The following MX2 variants were observed in gnomAD, a reference collection of about 807,000 sequenced individuals.
MX2 encodes the protein interferon-induced GTP-binding protein Mx2.
A neutral mutation model predicts 74.0 loss-of-function variants in MX2; 51 were observed. That is an observed-to-expected ratio of 0.69 (90% CI 0.55 to 0.87). MX2 has a LOEUF of 0.87. Ranked by LOEUF, MX2 falls within the 40% of genes least tolerant of loss-of-function variation. The pLI is 0.00. For synonymous variants in MX2, 369 were observed against 339.3 expected (o/e 1.09, Z -0.96); for missense variants, 832 against 908.7 (o/e 0.92, Z 1.09).
Position 41,380,204 on chromosome 21 carries a change from C to G in MX2, c.577+53C>G. The G allele has an allele frequency of 1.2e-6, 2 of 1,608,782 alleles. No individual in the cohort carries two copies. The highest frequency in any genetic ancestry group is 1.7e-6 in the Non-Finnish European group (2 of 1,176,788). On this transcript the variant is annotated intron_variant, in intron 4 of 13. Transcript: ENST00000330714. The surrounding 1 kb of genome is among the most constrained non-coding windows in gnomAD (Gnocchi z 4.3). ...ATCTGGCAGCCGCTCCTCTCACTTCCTCGGTTCCTTCTCCTCTTCCTCAAG... is the reference window on the plus strand; with the variant it reads ...ATCTGGCAGCCGCTCCTCTCACTTCGTCGGTTCCTTCTCCTCTTCCTCAAG...
chr21:41,381,640 G>A lies in MX2; in HGVS notation c.578-770G>A, dbSNP rs368146781. ...GCAGAGCTTTCAGTGAGCCGAGATC[G>A]TGCCACTGCACTCCAGCCTGGGCGA... is the stretch of plus-strand genomic sequence containing the variant. On this transcript the variant is annotated intron_variant, in intron 4 of 13. Transcript: ENST00000330714. Among the ~76,000 whole-genome samples, 1,028 of 146,426 alleles carry A rather than the reference G, an allele frequency of 7.0e-3. 12 individuals are homozygous for A. The highest frequency in any genetic ancestry group is 0.023 in the African/African-American group (905 of 39,098).
chr21:41,396,479 T>G (rs1235827843), intron 7 of MX2, among the ~76,000 whole-genome samples: 1 of 18,882 alleles, frequency 5.3e-5, no homozygotes, highest in Non-Finnish European at 8.3e-5. Flanking sequence ...GGAGAGCTAA[T>G]GGGAAAACTG....
At chr21:41,383,594 C>G (rs1021099609) in intron 5 of MX2, among the ~76,000 whole-genome samples, 3 of 152,134 alleles carry the variant, frequency 2.0e-5, no homozygotes, top group Non-Finnish European at 2.9e-5. Context: ...AGAACTGAGG[C>G]CACTTTCCTG....
At position 41,390,478 on chromosome 21, in the gene MX2, C is replaced by T. The variant is rs563787311; in HGVS notation, c.733-87C>T. The T allele has an allele frequency of 1.2e-4, 192 of 1,560,996 alleles. No homozygotes were observed. In the African/African-American group the frequency reaches 2.1e-3, roughly 17 times the overall value. ...ACACTGTGGGACAATGTTGCCTTTG[C>T]GCCATCATGCCTGCCTGCCTGGCCG... On this transcript the variant is annotated intron_variant, in intron 5 of 13. Coordinates refer to ENST00000330714, the MANE Select transcript of MX2 (RefSeq NM_002463.2).
At position 41,382,569 on chromosome 21, in the gene MX2, G is replaced by GCCC. The variant is rs1176881408; in HGVS notation, c.732+6_732+8dup. ...CCCCGAGACATCGGACTGCAGGTGA[G>GCCC]CCCTTCTGGAATTTGGGATTGGGCT... On this transcript the variant is annotated splice_donor_region_variant and intron_variant, in intron 5 of 13. Coordinates refer to ENST00000330714, the MANE Select transcript of MX2 (RefSeq NM_002463.2). 5 of 1,614,106 alleles carry GCCC rather than the reference G, an allele frequency of 3.1e-6. No individual in the cohort carries two copies. The highest frequency in any genetic ancestry group is 4.2e-6 in the Non-Finnish European group (5 of 1,180,020).
chr21:41,392,019 C>T (rs1005122281), intron 6 of MX2, among the ~76,000 whole-genome samples: 1 of 152,136 alleles, frequency 6.6e-6, no homozygotes, highest in Admixed American at 6.5e-5. Context: ...TGTTATTCCC[C>T]TCTACGTGTT....
rs1601407498 is a variant in MX2, at chr21:41,382,489, A to G, written c.657A>G (p.Pro219=). The change falls in exon 5 of 14, where the codon CCA becomes CCG. Residue 219 remains proline (P), a synonymous_variant. Coordinates refer to ENST00000330714, the MANE Select transcript of MX2 (RefSeq NM_002463.2). ...ISLEITSPEV[P]DLTIIDLPGI... Reference sequence around the variant, plus strand: ...TGGAGATCACCTCCCCTGAGGTTCCAGACCTGACCATCATTGACCTTCCCG... The same window carrying G: ...TGGAGATCACCTCCCCTGAGGTTCCGGACCTGACCATCATTGACCTTCCCG... 1 of 1,614,224 alleles carries G rather than the reference A, an allele frequency of 6.2e-7. No individual in the cohort carries two copies. The highest frequency in any genetic ancestry group is 2.2e-5 in the East Asian group (1 of 44,882).
chr21:41,395,693 G>A lies in MX2; in HGVS notation c.978G>A (p.Lys326=). ...YPLKKGYMIV[K]CRGQQEITNR... ...TCAAGAAGGGCTACATGATTGTGAAGTGCCGGGGCCAGCAGGAGATCACAA... is the reference window on the plus strand; with the variant it reads ...TCAAGAAGGGCTACATGATTGTGAAATGCCGGGGCCAGCAGGAGATCACAA... The change falls in exon 7 of 14, where the codon AAG becomes AAA. Residue 326 remains lysine (K), a synonymous_variant. Coordinates refer to ENST00000330714, the MANE Select transcript of MX2 (RefSeq NM_002463.2). The A allele has an allele frequency of 1.2e-6, 2 of 1,614,222 alleles. No individual in the cohort carries two copies. The highest frequency in any genetic ancestry group is 2.7e-5 in the African/African-American group (2 of 75,036).
chr21:41,371,653 G>A (rs935022421), intron 1 of MX2, among the ~76,000 whole-genome samples: 3 of 152,168 alleles, frequency 2.0e-5, no homozygotes, highest in Admixed American at 6.5e-5. Context: ...ATGGGGTGCT[G>A]GACTAAGTGA....
chr21:41,379,776 A>G (rs746257589), intron 3 of MX2, among the ~76,000 whole-genome samples: 3 of 152,214 alleles, frequency 2.0e-5, no homozygotes, highest in African/African-American at 4.8e-5. Context: ...GCTCATGTCC[A>G]TCGGAGCTCA....
Position 41,366,039 on chromosome 21 carries a change from T to C in MX2, c.-72+3984T>C, listed in dbSNP as rs1341685952. ...GCAGAGATTCTCAACCTTTCTCCAT[T>C]TGGGCTTCCCTGAGTGGTTCCGTAG... On this transcript the variant is annotated intron_variant, in intron 1 of 13. Transcript: ENST00000330714. The surrounding 1 kb of genome is among the most constrained non-coding windows in gnomAD (Gnocchi z 4.5). 6.6e-6 allele frequency: 1 copy of C among 152,294 alleles called. No individual in the cohort carries two copies. The highest frequency in any genetic ancestry group is 2.4e-5 in the African/African-American group (1 of 41,452). The allele number at this position is 152,294 out of a possible 1,614,324, so 9.4% of individuals were successfully genotyped here. A position where few individuals can be genotyped will look rare whatever the true frequency, so the allele number is the denominator to read the frequency against.
chr21:41,377,563 C>G (rs965597639), intron 2 of MX2, among the ~76,000 whole-genome samples: 3 of 152,190 alleles, frequency 2.0e-5, no homozygotes, highest in African/African-American at 2.4e-5. Flanking sequence ...AGGAGGCACA[C>G]CCTGCACACC....
At chr21:41,370,611 G>A (rs948673572) in intron 1 of MX2, 4 of 152,254 alleles carry the variant, frequency 2.6e-5, no homozygotes, top group African/African-American at 9.6e-5. Context: ...CATGAGCGGA[G>A]AAGAGTTGGA....
intron 1 of MX2, among the ~76,000 whole-genome samples, chr21:41,373,186 G>A (rs2089347264): frequency 2.0e-5 from 3 of 151,650 alleles, no homozygotes. Context: ...CTGGCACACA[G>A]CAGGCACTCA....
rs563606218 is a variant in MX2, at chr21:41,406,727, C to T, written c.1651-17C>T. 13 of 1,602,318 alleles carry T rather than the reference C, an allele frequency of 8.1e-6. No homozygotes were observed. In the East Asian group the frequency reaches 2.9e-4, roughly 36 times the overall value. ...GAAGAAAAAGAAGTAATGTGTTTGT[C>T]TTTTTTATCTAACCAGAGCACGATT... On this transcript the variant is annotated splice_polypyrimidine_tract_variant and intron_variant, in intron 12 of 13. Transcript: ENST00000330714.
intron 11 of MX2, 172 bp from the exon 12 acceptor site, chr21:41,403,095 T>G: frequency 1.7e-6 from 1 of 583,390 alleles, no homozygotes; most frequent in Non-Finnish European, 3.1e-6. Context: ...TGTGTGGCCC[T>G]GGAATGATGT....
At chr21:41,365,851 G>C (rs150016848) in intron 1 of MX2, 7 of 152,410 alleles carry the variant, frequency 4.6e-5, no homozygotes, top group Non-Finnish European at 8.8e-5. Context: ...CAGCAGTGCA[G>C]AAGTGTTCCC....
At chr21:41,386,311 C>A (rs750380836) in intron 5 of MX2, among the ~76,000 whole-genome samples, 5 of 150,560 alleles carry the variant, frequency 3.3e-5, no homozygotes, top group South Asian at 4.2e-4. Flanking sequence ...TGCACACTCT[C>A]TCCACATCTG....
chr21:41,376,309 G>A (rs1166335786), intron 1 of MX2, among the ~76,000 whole-genome samples: 1 of 152,122 alleles, frequency 6.6e-6, no homozygotes, highest in Non-Finnish European at 1.5e-5. Context: ...TGAGGCGGAC[G>A]GATTGCTTGA....
Sources: gnomAD v4.1 joint callset for allele counts (sites outside exome capture counted in the v4.1 genomes callset) on GRCh38, gnomAD v4.1.1 for gene constraint, Gnocchi (gnomAD v3.1) non-coding constraint, MANE v1.5 for transcripts, NCBI Gene and HGNC (gene_info 2026-07-23, HGNC 2026-07-21) for gene names.